Variants in VSIG10L2 observed in about 807,000 individuals in gnomAD.
VSIG10L2 encodes the protein V-set and immunoglobulin domain-containing protein 10-like 2.
VSIG10L2 carries 56 observed loss-of-function variants against 67.1 expected under a neutral mutation model. The ratio of observed to expected loss-of-function variants is 0.83; its 90% CI spans 0.67 to 1.04. VSIG10L2 has a LOEUF of 1.04. Ranked by LOEUF, VSIG10L2 falls within the 50% of genes least tolerant of loss-of-function variation. VSIG10L2 has a pLI of 0.00. For missense variants in VSIG10L2, 843 were observed against 932.8 expected (o/e 0.90, Z 1.25); for synonymous variants, 360 against 396.6 (o/e 0.91, Z 1.10).
chr11:125,952,436 TA>T (rs1222819042), intron 6 of VSIG10L2, among the ~76,000 whole-genome samples: 1 of 152,272 alleles, frequency 6.6e-6, no homozygotes, highest in Admixed American at 6.5e-5. Context: ...ATTAATGAGA[TA>T]TTTTACATTC....
chr11:125,951,559 C>G (rs1034442580), intron 5 of VSIG10L2, among the ~76,000 whole-genome samples: 1 of 152,236 alleles, frequency 6.6e-6, no homozygotes, highest in African/African-American at 2.4e-5. Context: ...TCATCCTGTC[C>G]TCTTTCCGGA....
intron 4 of VSIG10L2, 148 bp downstream of exon 4, chr11:125,950,437 G>A: frequency 1.2e-6 from 1 of 832,054 alleles, no homozygotes; most frequent in Non-Finnish European, 1.6e-6. Context: ...CTCCAACCAA[G>A]TGGAGTTGGA....
intron 7 of VSIG10L2, 135 bp downstream of exon 7, chr11:125,953,825 C>A: frequency 1.1e-6 from 1 of 880,170 alleles, no homozygotes; most frequent in Non-Finnish European, 1.5e-6. Flanking sequence ...TGGGCATAGG[C>A]AGGACTCAAG....
In VSIG10L2 at chr11:125,947,767, C is replaced by T. The variant is rs1159844173; in HGVS notation, c.164C>T (p.Ala55Val). Residue 55 changes from alanine to valine, a missense_variant, in exon 2 of 12, where the codon GCC (alanine) becomes GTC (valine). Physicochemically the swap from Ala to Val is moderately conservative, Grantham distance 64 (BLOSUM62 0). Transcript: ENST00000686984. ...QGVRGGSVELACGSGPAPLLV... is the reference protein window; with the variant it reads ...QGVRGGSVELVCGSGPAPLLV... Reference sequence around the variant, plus strand: ...GTGCGAGGTGGCTCCGTGGAGCTGGCCTGTGGCTCAGGGCCTGCCCCGCTG... The same window carrying T: ...GTGCGAGGTGGCTCCGTGGAGCTGGTCTGTGGCTCAGGGCCTGCCCCGCTG... 1.1e-5 allele frequency: 13 copies of T among 1,232,354 alleles called. No individual in the cohort carries two copies. Among genetic ancestry groups the T allele is most frequent in the African/African-American group, 1.6e-5 (1 of 64,430 alleles). The allele number at this position is 1,232,354 out of a possible 1,614,324, so 76.3% of individuals were successfully genotyped here. A position where few individuals can be genotyped will look rare whatever the true frequency, so the allele number is the denominator to read the frequency against.
intron 1 of VSIG10L2, chr11:125,947,437 A>T: frequency 3.0e-6 from 3 of 985,280 alleles, no homozygotes; most frequent in Middle Eastern, 5.2e-4. Flanking sequence ...AGGAGTGGGG[A>T]TGTCTGCTCC....
rs979301084 is a variant in VSIG10L2, at chr11:125,947,649, C to A, written c.83-37C>A. On this transcript the variant is annotated intron_variant, in intron 1 of 11. Transcript: ENST00000686984. ...GCAGGGAGTGCAGGAGAGCCCAGAG[C>A]AGCCCAGAAGTCCTGCTATGCCCCT... 1.7e-5 allele frequency: 21 copies of A among 1,232,200 alleles called. No homozygotes were observed. In the African/African-American group the frequency reaches 2.3e-4, roughly 14 times the overall value. 76.3% of individuals were successfully genotyped at this position (1,232,200 alleles called of 1,614,324 possible). A position where few individuals can be genotyped will look rare whatever the true frequency, so the allele number is the denominator to read the frequency against.
Position 125,948,471 on chromosome 11 carries a change from A to T in VSIG10L2, c.600A>T (p.Pro200=). 4 of 1,232,398 alleles carry T rather than the reference A, an allele frequency of 3.2e-6. No homozygotes were observed. Among genetic ancestry groups the T allele is most frequent in the Non-Finnish European group, 4.0e-6 (4 of 988,146 alleles). The allele number at this position is 1,232,398 out of a possible 1,614,324, so 76.3% of individuals were successfully genotyped here. ...AGGCCCTGGTGGGGGTCACTGAGCC[A>T]CTATTCCAGCTGGACCCTGTCAACC... ...LGEALVGVTE[P]LFQLDPVNRT... is the part of the protein sequence containing the mutation. The change falls in exon 3 of 12, where the codon CCA becomes CCT. Residue 200 remains proline (P), a synonymous_variant. Transcript: ENST00000686984.
At chr11:125,950,350 T>C in intron 4 of VSIG10L2, 61 bp downstream of exon 4, 1 of 1,230,798 alleles carries the variant, frequency 8.1e-7, no homozygotes, top group East Asian at 3.2e-5. Context: ...GCTGGAGCCT[T>C]TGTGGGGCTG....
rs1342538243 is a variant in VSIG10L2, at chr11:125,946,372, GC to G, written c.82+237del. On this transcript the variant is annotated intron_variant, in intron 1 of 11. Coordinates refer to ENST00000686984, the MANE Select transcript of VSIG10L2 (RefSeq NM_001365077.2). This position sits in a 1 kb window ranked among gnomAD's most constrained non-coding sequence, Gnocchi z 4.4. Reference sequence around the variant, plus strand: ...CCTGAGAGCCACTGTGAGGTGGTAAGCCTAGGAGTGGTATGGTCAGATCCAG... The same window carrying G: ...CCTGAGAGCCACTGTGAGGTGGTAAGCTAGGAGTGGTATGGTCAGATCCAG... Among the ~76,000 whole-genome samples the G allele has an allele frequency of 1.3e-5, 2 of 152,168 alleles. No individual in the cohort carries two copies. The highest frequency in any genetic ancestry group is 2.4e-5 in the African/African-American group (1 of 41,452).
At chr11:125,952,832 G>T (rs1489766801) in intron 6 of VSIG10L2, among the ~76,000 whole-genome samples, 1 of 152,234 alleles carries the variant, frequency 6.6e-6, no homozygotes, top group African/African-American at 2.4e-5. Flanking sequence ...CTCACAGAAT[G>T]CTTTACCTCT....
intron 8 of VSIG10L2, 128 bp downstream of exon 8, chr11:125,954,511 A>C: frequency 1.3e-6 from 1 of 747,794 alleles, no homozygotes. Flanking sequence ...TCCCATCCCC[A>C]GCCCGTCCTC....
Position 125,955,830 on chromosome 11 carries a change from AACCACC to A in VSIG10L2, c.2302_2307del (p.Thr768_Thr769del). ...TGCTCTTCATAGGCCTTGAAACACCAACCACCACCCCAGGTTTGGATCCTGCACAAG... is the reference window on the plus strand; with the variant it reads ...TGCTCTTCATAGGCCTTGAAACACCAACCCCAGGTTTGGATCCTGCACAAG... On this transcript the variant is annotated inframe_deletion, in exon 12 of 12. Coordinates refer to ENST00000686984, the MANE Select transcript of VSIG10L2 (RefSeq NM_001365077.2). The A allele has an allele frequency of 4.2e-6, 3 of 722,076 alleles. No homozygotes were observed. Among genetic ancestry groups the A allele is most frequent in the Non-Finnish European group, 7.4e-6 (3 of 405,528 alleles). The allele number at this position is 722,076 out of a possible 1,614,324, so 44.7% of individuals were successfully genotyped here.
intron 1 of VSIG10L2, 153 bp from the exon 2 acceptor site, chr11:125,947,533 C>G: frequency 4.1e-6 from 4 of 985,444 alleles, no homozygotes; most frequent in Non-Finnish European, 4.8e-6. Context: ...GTCTCTTGCC[C>G]ACCAACTCCA....
intron 8 of VSIG10L2, 64 bp from the exon 9 acceptor site, chr11:125,954,993 G>T: frequency 8.1e-7 from 1 of 1,231,842 alleles, no homozygotes; most frequent in Non-Finnish European, 1.0e-6. Flanking sequence ...GGTTCCCTAC[G>T]AGCCACTGTG....
At chr11:125,949,950 TG>T in intron 3 of VSIG10L2, 63 bp from the exon 4 acceptor site, 3 of 1,223,588 alleles carry the variant, frequency 2.5e-6, no homozygotes, top group Non-Finnish European at 3.1e-6. Flanking sequence ...CATTCAGAGA[TG>T]AGCATGTGCG....
chr11:125,948,716 A>T (rs1591528836), intron 3 of VSIG10L2, 136 bp downstream of exon 3: 2 of 992,092 alleles, frequency 2.0e-6, no homozygotes, highest in East Asian at 6.5e-5. Context: ...TCCAGCAGGC[A>T]AGAGTCACGG....
Position 125,947,876 on chromosome 11 carries a change from G to A in VSIG10L2, c.273G>A (p.Glu91=), listed in dbSNP as rs1482724514. 1.6e-6 allele frequency: 2 copies of A among 1,232,338 alleles called. No homozygotes were observed. Among genetic ancestry groups the A allele is most frequent in the Non-Finnish European group, 2.0e-6 (2 of 988,094 alleles). 76.3% of individuals were successfully genotyped at this position (1,232,338 alleles called of 1,614,324 possible). The change falls in exon 2 of 12, where the codon GAG becomes GAA. Residue 91 remains glutamate (E), a synonymous_variant. Transcript: ENST00000686984. ...CCGATGGAGCCATGTCCAAGGTGGA[G>A]GCCATCGCCTCGGCTCTGGGAGTCG... is the stretch of plus-strand genomic sequence containing the variant. ...AVTDGAMSKV[E]AIASALGVVS...
chr11:125,951,564 T>C (rs1945370691), intron 5 of VSIG10L2, among the ~76,000 whole-genome samples: 1 of 152,218 alleles, frequency 6.6e-6, no homozygotes, highest in Non-Finnish European at 1.5e-5. Flanking sequence ...CTGTCCTCTT[T>C]CCGGAAGCCC....
In VSIG10L2 at chr11:125,952,075, T is replaced by C. The variant is rs1371276995; in HGVS notation, c.1495+2T>C. On this transcript the variant is annotated splice_donor_variant, in intron 6 of 11. Coordinates refer to ENST00000686984, the MANE Select transcript of VSIG10L2 (RefSeq NM_001365077.2). LOFTEE classifies it high-confidence loss of function. Reference sequence around the variant, plus strand: ...ACCCCCACTGCCACCTCCAGCTGGGTGAGTAGGGGCTAGCGAGTTTGTTCT... The same window carrying C: ...ACCCCCACTGCCACCTCCAGCTGGGCGAGTAGGGGCTAGCGAGTTTGTTCT... The C allele has an allele frequency of 2.6e-6, 4 of 1,531,944 alleles. No individual in the cohort carries two copies. In the East Asian group the frequency reaches 9.8e-5, roughly 38 times the overall value. The allele number at this position is 1,531,944 out of a possible 1,614,324, so 94.9% of individuals were successfully genotyped here.
Sources: gnomAD v4.1 joint callset for allele counts (sites outside exome capture counted in the v4.1 genomes callset) on GRCh38, gnomAD v4.1.1 for gene constraint, Gnocchi (gnomAD v3.1) non-coding constraint, MANE v1.5 for transcripts, NCBI Gene and HGNC (gene_info 2026-07-23, HGNC 2026-07-21) for gene names.